Variants in MRPL3 observed in about 807,000 individuals in gnomAD.
MRPL3 encodes large ribosomal subunit protein uL3m.
A neutral mutation model predicts 44.3 loss-of-function variants in MRPL3; 43 were observed. That is an observed-to-expected ratio of 0.97 (90% CI 0.76 to 1.25). MRPL3 has a LOEUF of 1.25. MRPL3 is among the 50% of genes most tolerant of loss of function. The pLI is 0.00. For synonymous variants in MRPL3, 171 were observed against 152.3 expected (o/e 1.12, Z -0.91); for missense variants, 406 against 427.6 (o/e 0.95, Z 0.45).
chr3:131,467,240 G>GCA (rs10522470), intron 9 of MRPL3, among the ~76,000 whole-genome samples: 35 of 151,020 alleles, frequency 2.3e-4, no homozygotes, highest in Middle Eastern at 3.4e-3. Flanking sequence ...CCATACGCGC[G>GCA]CACACACACA....
intron 6 of MRPL3, among the ~76,000 whole-genome samples, chr3:131,480,000 AAAAC>A (rs774327180): frequency 2.6e-5 from 4 of 152,380 alleles, no homozygotes; most frequent in Admixed American, 6.5e-5. Context: ...TCTTAGTTTT[AAAAC>A]AAACAAAAAA....
chr3:131,476,657 T>C (rs190666669), intron 6 of MRPL3, among the ~76,000 whole-genome samples: 74 of 152,336 alleles, frequency 4.9e-4, no homozygotes, highest in African/African-American at 1.7e-3. Context: ...ACATAAAAGA[T>C]GTATTTTATT....
intron 6 of MRPL3, among the ~76,000 whole-genome samples, chr3:131,472,005 G>A (rs1396732237): frequency 2.0e-5 from 3 of 152,186 alleles, no homozygotes; most frequent in Non-Finnish European, 4.4e-5. Flanking sequence ...CATGACTACA[G>A]CCCTGGCTGA....
chr3:131,490,392 A>AG (rs1934231027), intron 4 of MRPL3, among the ~76,000 whole-genome samples: 1 of 152,166 alleles, frequency 6.6e-6, no homozygotes, highest in South Asian at 2.1e-4. Flanking sequence ...TTCTGACTGG[A>AG]GACTGTCTGA....
At chr3:131,480,668 C>G (rs1259670169) in intron 6 of MRPL3, among the ~76,000 whole-genome samples, 2 of 152,164 alleles carry the variant, frequency 1.3e-5, no homozygotes, top group African/African-American at 4.8e-5. Context: ...TGGGCACACT[C>G]TGTTCTTCTC....
chr3:131,488,985 C>T lies in MRPL3; in HGVS notation c.568+996G>A, dbSNP rs1030821691. Reference sequence around the variant, plus strand: ...TTGCTGATTTTTGACCATTTTTGACCCCAAAAACAATTTTGTATGATTTGA... The same window carrying T: ...TTGCTGATTTTTGACCATTTTTGACTCCAAAAACAATTTTGTATGATTTGA... On this transcript the variant is annotated intron_variant, in intron 5 of 9. Transcript: ENST00000264995. 2.0e-5 allele frequency among the ~76,000 whole-genome samples: 3 copies of T among 151,504 alleles called. 1 individual carries two copies. Among genetic ancestry groups the T allele is most frequent in the Admixed American group, 2.0e-4 (3 of 15,186 alleles).
chr3:131,502,664 T>A (rs995235677), intron 1 of MRPL3, 66 bp downstream of exon 1: 2 of 1,393,344 alleles, frequency 1.4e-6, no homozygotes, highest in Non-Finnish European at 9.8e-7. Flanking sequence ...GAGGCCCAAC[T>A]GCACCAGGCC....
chr3:131,492,660 C>G (rs1489812752), intron 4 of MRPL3, among the ~76,000 whole-genome samples: 1 of 152,182 alleles, frequency 6.6e-6, no homozygotes, highest in African/African-American at 2.4e-5. Flanking sequence ...CCATTCCTAA[C>G]AGGCCACAGA....
intron 1 of MRPL3, 27 bp from the exon 2 acceptor site, chr3:131,501,742 C>G (rs759938832): frequency 6.7e-5 from 106 of 1,593,750 alleles, no homozygotes; most frequent in Non-Finnish European, 8.4e-5. Flanking sequence ...TAAATAAAAC[C>G]AAACCACAAT....
chr3:131,498,171 A>T lies in MRPL3; in HGVS notation c.468+8T>A. 1 of 1,559,050 alleles carries T rather than the reference A, an allele frequency of 6.4e-7. No homozygotes were observed. ...TGCAGTATTCTAGCTATGAAAATACATCCTTACACGAAAACGTGATACAGT... is the reference window on the plus strand; with the variant it reads ...TGCAGTATTCTAGCTATGAAAATACTTCCTTACACGAAAACGTGATACAGT... On this transcript the variant is annotated splice_region_variant and intron_variant, in intron 4 of 9. Transcript: ENST00000264995.
intron 6 of MRPL3, among the ~76,000 whole-genome samples, chr3:131,485,022 G>A (rs1934085505): frequency 6.6e-6 from 1 of 152,152 alleles, no homozygotes; most frequent in Non-Finnish European, 1.5e-5. Flanking sequence ...CTTCTCCAGA[G>A]TTGACTATCA....
intron 9 of MRPL3, among the ~76,000 whole-genome samples, chr3:131,465,504 T>A (rs563638468): frequency 6.6e-6 from 1 of 152,234 alleles, no homozygotes; most frequent in East Asian, 1.9e-4. Context: ...GTCACAGCAA[T>A]TAATGGTAAG....
chr3:131,490,089 A>G lies in MRPL3; in HGVS notation c.469-9T>C, dbSNP rs774139259. 1 of 1,563,430 alleles carries G rather than the reference A, an allele frequency of 6.4e-7. No individual in the cohort carries two copies. The highest frequency in any genetic ancestry group is 8.8e-7 in the Non-Finnish European group (1 of 1,134,456). On this transcript the variant is annotated splice_polypyrimidine_tract_variant and intron_variant, in intron 4 of 9. Coordinates refer to ENST00000264995, the MANE Select transcript of MRPL3 (RefSeq NM_007208.4). ...AATATGGATGTAGCTTTCTAGAGGAAAAGCAGCACATATAAGTAATACATT... is the reference window on the plus strand; with the variant it reads ...AATATGGATGTAGCTTTCTAGAGGAGAAGCAGCACATATAAGTAATACATT...
At chr3:131,497,477 T>TG (rs200753373) in intron 4 of MRPL3, among the ~76,000 whole-genome samples, 1,795 of 152,136 alleles carry the variant, frequency 0.012, 73 homozygotes, top group Admixed American at 0.086. Flanking sequence ...CAGTTTACAA[T>TG]GAAAAAAAAG....
intron 7 of MRPL3, among the ~76,000 whole-genome samples, chr3:131,470,735 T>C (rs919145371): frequency 2.0e-5 from 3 of 152,128 alleles, no homozygotes; most frequent in African/African-American, 7.2e-5. Context: ...AATTCAACAC[T>C]ATAGGGTTCA....
In MRPL3 at chr3:131,468,125, C is replaced by A; in HGVS notation, c.860G>T (p.Gly287Val). 1.3e-6 allele frequency: 2 copies of A among 1,593,826 alleles called. No individual in the cohort carries two copies. The highest frequency in any genetic ancestry group is 1.2e-5 in the South Asian group (1 of 86,902). ...NTKHNIIYVNGSVPGHKNCLV... is the reference protein window; with the variant it reads ...NTKHNIIYVNVSVPGHKNCLV... ...GCAATTTTTATGTCCAGGTACAGAG[C>A]CATTTACATAGATTATGTTGTGCTT... Residue 287 changes from glycine (G) to valine (V), a missense_variant, in exon 9 of 10, where the codon GGC (glycine) becomes GTC (valine). Gly to Val is a moderately radical substitution (Grantham distance 109). Transcript: ENST00000264995.
chr3:131,466,681 C>CA (rs1393166919), intron 9 of MRPL3, among the ~76,000 whole-genome samples: 3 of 68,114 alleles, frequency 4.4e-5, no homozygotes, highest in African/African-American at 1.8e-4. Flanking sequence ...AGCCAAAAAG[C>CA]ATTTTTTTTG....
At chr3:131,489,921 A>G (rs1934213387) in intron 5 of MRPL3, 60 bp downstream of exon 5, 3 of 1,013,400 alleles carry the variant, frequency 3.0e-6, no homozygotes, top group Non-Finnish European at 4.6e-6. Context: ...AAGGGCTGAC[A>G]TTAAACAAAT....
chr3:131,502,589 G>GT, intron 1 of MRPL3, 141 bp downstream of exon 1: 1 of 669,756 alleles, frequency 1.5e-6, no homozygotes, highest in Non-Finnish European at 2.5e-6. Context: ...TGCTTCCTTA[G>GT]GTTAACGGCC....
Sources: allele counts gnomAD v4.1 joint callset (sites outside exome capture counted in the v4.1 genomes callset), GRCh38; gene constraint gnomAD v4.1.1; transcripts MANE v1.5; gene names NCBI Gene and HGNC (gene_info 2026-07-23, HGNC 2026-07-21).